EDIL3: variants seen among roughly 807,000 people sequenced by gnomAD.
EDIL3 encodes the protein EGF-like repeat and discoidin I-like domain-containing protein 3.
In EDIL3, 37 loss-of-function variants were observed where a neutral mutation model predicts 67.4. The observed-to-expected ratio is 0.55, with a 90% confidence interval of 0.42 to 0.72. The LOEUF (loss-of-function observed/expected upper bound fraction) is 0.72, where lower values mean the gene tolerates loss of function less well. Ranked by LOEUF, EDIL3 falls within the 30% of genes least tolerant of loss-of-function variation. The pLI is 0.00. For missense variants in EDIL3, 527 were observed against 586.3 expected (o/e 0.90, Z 1.04); for synonymous variants, 195 against 196.3 (o/e 0.99, Z 0.05).
At position 84,263,784 on chromosome 5, in the gene EDIL3, C is replaced by T. The variant is rs544533436; in HGVS notation, c.68-9572G>A. ...ATGTAGGTGCTGATAGAAGCAACTA[C>T]TAGAAAGAAGTGGTTAAAGAAAACA... On this transcript the variant is annotated intron_variant, in intron 1 of 10. Transcript: ENST00000296591. 3.3e-5 allele frequency among the ~76,000 whole-genome samples: 5 copies of T among 152,046 alleles called. No homozygotes were observed. In the East Asian group the frequency reaches 9.7e-4, roughly 29 times the overall value.
intron 6 of EDIL3, among the ~76,000 whole-genome samples, chr5:84,080,974 C>T (rs1034117713): frequency 1.3e-5 from 2 of 152,140 alleles, no homozygotes; most frequent in Admixed American, 6.5e-5. Flanking sequence ...CTTAATTGTC[C>T]TCTTTGAATA....
In EDIL3 at chr5:84,149,317, T is replaced by C. The variant is rs548320136; in HGVS notation, c.356-11963A>G. 1.4e-4 allele frequency among the ~76,000 whole-genome samples: 21 copies of C among 152,174 alleles called. No homozygotes were observed. In the South Asian group the frequency reaches 1.5e-3, roughly 11 times the overall value. On this transcript the variant is annotated intron_variant, in intron 4 of 10. Transcript: ENST00000296591. The stretch of plus-strand genomic sequence containing the variant: ...ACTCCTGGGGAAAGAGTCATCTGAA[T>C]AGACCAGAGGGAGCAATACTTGGAG...
chr5:84,345,711 T>C (rs1007055109), intron 1 of EDIL3, among the ~76,000 whole-genome samples: 3 of 152,188 alleles, frequency 2.0e-5, no homozygotes, highest in Non-Finnish European at 4.4e-5. Context: ...AGTATATTTA[T>C]GCATCAAGAT....
At chr5:84,365,739 T>A (rs1027331091) in intron 1 of EDIL3, among the ~76,000 whole-genome samples, 4 of 152,212 alleles carry the variant, frequency 2.6e-5, no homozygotes, top group African/African-American at 9.6e-5. Context: ...ATCTTGCCTA[T>A]ACCATTCTCT....
At chr5:84,005,789 T>C (rs879589603) in intron 9 of EDIL3, among the ~76,000 whole-genome samples, 2 of 151,996 alleles carry the variant, frequency 1.3e-5, no homozygotes. Flanking sequence ...CTCTCACCTA[T>C]TGAATTCAAC....
At chr5:84,054,713 C>T (rs1193365174) in intron 9 of EDIL3, among the ~76,000 whole-genome samples, 1 of 151,972 alleles carries the variant, frequency 6.6e-6, no homozygotes, top group Non-Finnish European at 1.5e-5. Context: ...TTCACAATTG[C>T]TTCAAAGAGA....
chr5:84,028,303 G>A (rs947733403), intron 9 of EDIL3, among the ~76,000 whole-genome samples: 6 of 152,094 alleles, frequency 3.9e-5, no homozygotes, highest in Admixed American at 6.6e-5. Context: ...TCACATAGTA[G>A]CCAGATTAAT....
chr5:84,292,192 C>T (rs895077646), intron 1 of EDIL3, among the ~76,000 whole-genome samples: 5 of 152,010 alleles, frequency 3.3e-5, no homozygotes, highest in Non-Finnish European at 7.4e-5. Flanking sequence ...ACTGCAGCTC[C>T]AGCCAAATAA....
At chr5:84,179,801 G>A (rs1397602743) in intron 4 of EDIL3, among the ~76,000 whole-genome samples, 1 of 152,028 alleles carries the variant, frequency 6.6e-6, no homozygotes, top group Non-Finnish European at 1.5e-5. Flanking sequence ...CCATTCCTTT[G>A]ACATTTATGT....
intron 1 of EDIL3, among the ~76,000 whole-genome samples, chr5:84,327,135 T>G (rs1456589297): frequency 6.6e-6 from 1 of 152,014 alleles, no homozygotes; most frequent in Non-Finnish European, 1.5e-5. Context: ...ACTCATAAGA[T>G]CTACCCTGCT....
chr5:84,116,329 A>G (rs77952904), intron 5 of EDIL3, among the ~76,000 whole-genome samples: 1 of 152,200 alleles, frequency 6.6e-6, no homozygotes, highest in South Asian at 2.1e-4. Context: ...AATGGAGCCT[A>G]GAAAAGTATA....
At chr5:84,044,386 C>G (rs367834222) in intron 9 of EDIL3, among the ~76,000 whole-genome samples, 67 of 150,328 alleles carry the variant, frequency 4.5e-4, no homozygotes, top group African/African-American at 1.6e-3. Context: ...AGCCCAGAAC[C>G]ATTTTTTTTT....
At position 84,305,749 on chromosome 5, in the gene EDIL3, C is replaced by T. The variant is rs1282135528; in HGVS notation, c.68-51537G>A. Reference sequence around the variant, plus strand: ...AAAAAATTAGCCAGGCGTGGTGGCACGTGCCTGTAATCCCAGCTACTCGGG... The same window carrying T: ...AAAAAATTAGCCAGGCGTGGTGGCATGTGCCTGTAATCCCAGCTACTCGGG... On this transcript the variant is annotated intron_variant, in intron 1 of 10. Coordinates refer to ENST00000296591, the MANE Select transcript of EDIL3 (RefSeq NM_005711.5). Among the ~76,000 whole-genome samples the T allele has an allele frequency of 3.3e-5, 5 of 152,102 alleles. No homozygotes were observed. In the East Asian group the frequency reaches 7.8e-4, roughly 24 times the overall value.
chr5:84,184,424 C>G (rs1477879209), intron 3 of EDIL3, among the ~76,000 whole-genome samples: 1 of 152,142 alleles, frequency 6.6e-6, no homozygotes, highest in East Asian at 1.9e-4. Flanking sequence ...TGCTCGGAGG[C>G]TGTAATATGT....
At chr5:84,036,950 C>T (rs1201118576) in intron 9 of EDIL3, among the ~76,000 whole-genome samples, 2 of 152,138 alleles carry the variant, frequency 1.3e-5, no homozygotes, top group South Asian at 4.1e-4. Context: ...AAGCAGGAGG[C>T]ATTTACTGTG....
At chr5:84,293,969 T>C (rs1476961371) in intron 1 of EDIL3, among the ~76,000 whole-genome samples, 1 of 151,998 alleles carries the variant, frequency 6.6e-6, no homozygotes, top group East Asian at 1.9e-4. Flanking sequence ...ATATATCCCA[T>C]TTGCAAATGT....
At chr5:84,286,997 T>C (rs1297355609) in intron 1 of EDIL3, among the ~76,000 whole-genome samples, 3 of 152,168 alleles carry the variant, frequency 2.0e-5, no homozygotes, top group African/African-American at 4.8e-5. Context: ...TAAAAATCTA[T>C]TGGTGCTCTT....
At chr5:84,176,812 G>T (rs534442730) in intron 4 of EDIL3, among the ~76,000 whole-genome samples, 7 of 149,012 alleles carry the variant, frequency 4.7e-5, no homozygotes, top group African/African-American at 1.5e-4. Context: ...ATTCTTCTAT[G>T]ATATATATAT....
chr5:84,249,002 A>G (rs1189563763), intron 2 of EDIL3, among the ~76,000 whole-genome samples: 1 of 152,132 alleles, frequency 6.6e-6, no homozygotes, highest in African/African-American at 2.4e-5. Flanking sequence ...TTCTTAGTAA[A>G]AAGTTGAAAT....
Sources: allele counts gnomAD v4.1 joint callset (sites outside exome capture counted in the v4.1 genomes callset), GRCh38; gene constraint gnomAD v4.1.1; transcripts MANE v1.5; gene names NCBI Gene and HGNC (gene_info 2026-07-23, HGNC 2026-07-21).